Variants in ATM observed in about 807,000 individuals in gnomAD.
The protein encoded by ATM is ATM serine/threonine kinase.
ATM carries 308 observed loss-of-function variants against 387.0 expected under a neutral mutation model. The observed-to-expected ratio is 0.80, with a 90% confidence interval of 0.73 to 0.87. The LOEUF (loss-of-function observed/expected upper bound fraction) is 0.87. Ranked by LOEUF, ATM falls within the 40% of genes least tolerant of loss-of-function variation. The pLI, the probability that ATM is intolerant of heterozygous loss-of-function variation, is 0.00. For missense variants in ATM, 3,312 were observed against 3,560.9 expected (o/e 0.93, Z 1.78); for synonymous variants, 1,156 against 1,187.3 (o/e 0.97, Z 0.54).
At chr11:108,310,010 G>A in intron 38 of ATM, 150 bp from the exon 39 acceptor site, 1 of 742,296 alleles carries the variant, frequency 1.3e-6, no homozygotes, top group East Asian at 2.8e-5. Context: ...ATCTTATAAT[G>A]TTTATAGGTA....
intron 5 of ATM, among the ~76,000 whole-genome samples, chr11:108,237,698 G>A (rs1383435908): frequency 6.6e-6 from 1 of 152,106 alleles, no homozygotes; most frequent in Non-Finnish European, 1.5e-5. Context: ...AGAGTTTAGT[G>A]TGAGATGAGA....
At chr11:108,313,443 G>C (rs556662841) in intron 40 of ATM, among the ~76,000 whole-genome samples, 224 of 152,138 alleles carry the variant, frequency 1.5e-3, no homozygotes, top group Non-Finnish European at 2.5e-3. Flanking sequence ...CAGTAAAATA[G>C]CACTTGCTAA....
chr11:108,251,768 G>A lies in ATM; in HGVS notation c.1608-69G>A. On this transcript the variant is annotated intron_variant, in intron 10 of 62. Coordinates refer to ENST00000675843, the MANE Select transcript of ATM (RefSeq NM_000051.4). ...TAACTAAATGTATGTGCCAGGCACTGTCCTGATAGATAAAGTCTTTGCCCC... is the reference window on the plus strand; with the variant it reads ...TAACTAAATGTATGTGCCAGGCACTATCCTGATAGATAAAGTCTTTGCCCC... 6 of 1,472,030 alleles carry A rather than the reference G, an allele frequency of 4.1e-6. No homozygotes were observed. In the South Asian group the frequency reaches 5.7e-5, roughly 14 times the overall value. 91.2% of individuals were successfully genotyped at this position (1,472,030 alleles called of 1,614,324 possible).
intron 56 of ATM, among the ~76,000 whole-genome samples, chr11:108,342,629 G>A (rs1231586250): frequency 6.6e-6 from 1 of 152,100 alleles, no homozygotes; most frequent in Non-Finnish European, 1.5e-5. Flanking sequence ...TGATAAAGCT[G>A]TTTAATGGAT....
rs1170853651 is a variant in ATM at position 108,289,563 on chromosome 11, T to TA, written c.4237-37dup. On this transcript the variant is annotated intron_variant, in intron 28 of 62. Transcript: ENST00000675843. Reference sequence around the variant, plus strand: ...AGTGTATTTATTGTAGCCGAGTATCTAATTAAACAAGTTTTTACTAAATCT... The same window carrying TA: ...AGTGTATTTATTGTAGCCGAGTATCTAAATTAAACAAGTTTTTACTAAATCT... 28 of 1,483,560 alleles carry TA rather than the reference T, an allele frequency of 1.9e-5. No individual in the cohort carries two copies. Among genetic ancestry groups the TA allele is most frequent in the Non-Finnish European group, 2.4e-5 (26 of 1,079,608 alleles). The allele number at this position is 1,483,560 out of a possible 1,614,324, so 91.9% of individuals were successfully genotyped here.
chr11:108,282,732 CTT>C lies in ATM; in HGVS notation c.3602_3603del (p.Phe1201TrpfsTer3), dbSNP rs1057517129. 1 of 1,613,200 alleles carries C rather than the reference CTT, an allele frequency of 6.2e-7. No individual in the cohort carries two copies. Among genetic ancestry groups the C allele is most frequent in the Non-Finnish European group, 8.5e-7 (1 of 1,179,698 alleles). On this transcript the variant is annotated frameshift_variant, in exon 25 of 63. Transcript: ENST00000675843. LOFTEE classifies it high-confidence loss of function. Reference sequence around the variant, plus strand: ...CAGGTTTTAGAGAAAGTTTCTGAAACTTTTGGATATAGACGTTTAGAAGACTT... The same window carrying C: ...CAGGTTTTAGAGAAAGTTTCTGAAACTTGGATATAGACGTTTAGAAGACTT...
chr11:108,342,298 G>A (rs2087681112), intron 56 of ATM, among the ~76,000 whole-genome samples: 1 of 152,188 alleles, frequency 6.6e-6, no homozygotes, highest in African/African-American at 2.4e-5. Context: ...TTAATATGCA[G>A]ATTGGATAAC....
Position 108,251,212 on chromosome 11 carries a change from G to A in ATM, c.1607+140G>A. The A allele has an allele frequency of 3.1e-6, 4 of 1,307,428 alleles. No homozygotes were observed. In the South Asian group the frequency reaches 5.3e-5, roughly 17 times the overall value. The allele number at this position is 1,307,428 out of a possible 1,614,324, so 81.0% of individuals were successfully genotyped here. A position where few individuals can be genotyped will look rare whatever the true frequency, so the allele number is the denominator to read the frequency against. On this transcript the variant is annotated intron_variant, in intron 10 of 62. Transcript: ENST00000675843. ...CTATTTCAGATGCTTTTCTTGTTTG[G>A]CCGAGAAGACTTAATAAATGCATAA... is the stretch of plus-strand genomic sequence containing the variant.
intron 60 of ATM, among the ~76,000 whole-genome samples, chr11:108,354,209 C>G (rs1449470655): frequency 6.6e-6 from 1 of 152,042 alleles, no homozygotes; most frequent in Non-Finnish European, 1.5e-5. Flanking sequence ...ATAATAGTTC[C>G]TCTTCCTTCC....
intron 22 of ATM, among the ~76,000 whole-genome samples, chr11:108,277,840 C>G (rs1389387089): frequency 6.6e-6 from 1 of 152,134 alleles, no homozygotes; most frequent in African/African-American, 2.4e-5. Flanking sequence ...TCTTGCTGTT[C>G]CCTTGTTTTA....
chr11:108,324,912 C>T (rs1202216237), intron 45 of ATM, among the ~76,000 whole-genome samples: 3 of 152,170 alleles, frequency 2.0e-5, no homozygotes, highest in African/African-American at 7.2e-5. Context: ...GGGGGTCCCT[C>T]ATTTCCTTGC....
At chr11:108,282,595 C>A (rs2082287806) in intron 24 of ATM, 115 bp from the exon 25 acceptor site, 1 of 996,538 alleles carries the variant, frequency 1.0e-6, no homozygotes, top group Non-Finnish European at 1.5e-6. Flanking sequence ...ATGAGGAAAT[C>A]AAGAAAAGTT....
rs2136453829 is a variant in ATM at position 108,330,247 on chromosome 11, G to C, written c.7341G>C (p.Leu2447Phe). The C allele has an allele frequency of 1.9e-6, 3 of 1,614,194 alleles. No homozygotes were observed. Among genetic ancestry groups the C allele is most frequent in the Non-Finnish European group, 1.7e-6 (2 of 1,180,016 alleles). ...TAAAGGTTCAGCGAGAGCTGGAGTT[G>C]GATGAATTAGCCCTGCGTGCACTGA... ...YTVKVQRELE[L>F]DELALRALKE... Residue 2447 changes from leucine to phenylalanine, a missense_variant, in exon 50 of 63, where the codon TTG becomes TTC. This residue lies in a region of ATM where 1,405 missense variants were observed against 1,604.4 expected (regional missense o/e 0.88). Coordinates refer to ENST00000675843, the MANE Select transcript of ATM (RefSeq NM_000051.4).
chr11:108,302,865 C>T lies in ATM; in HGVS notation c.5332C>T (p.Pro1778Ser), dbSNP rs1279041730. 1.9e-6 allele frequency: 3 copies of T among 1,612,294 alleles called. No homozygotes were observed. Among genetic ancestry groups the T allele is most frequent in the South Asian group, 2.2e-5 (2 of 90,996 alleles). The change falls in exon 36 of 63, where the codon CCC (proline) becomes TCC (serine). Residue 1778 changes from proline (P) to serine (S), a missense_variant. By Grantham distance (74) the Pro-to-Ser change is moderately conservative (BLOSUM62 -1). Coordinates refer to ENST00000675843, the MANE Select transcript of ATM (RefSeq NM_000051.4). ...RTSRKKFLEV[P>S]RFDKENPFEG... ...CCTTTCTTTCTAGTTTTTAGAAGTA[C>T]CCAGATTTGACAAAGAAAACCCTTT...
rs762913965 is a variant in ATM at position 108,267,375 on chromosome 11, T to A, written c.2638+33T>A. 8 of 1,601,108 alleles carry A rather than the reference T, an allele frequency of 5.0e-6. No homozygotes were observed. The South Asian group carries it at 6.6e-5, about 13-fold the overall frequency. On this transcript the variant is annotated intron_variant, in intron 17 of 62. Coordinates refer to ENST00000675843, the MANE Select transcript of ATM (RefSeq NM_000051.4). ...CATATTTACTACTTGGGATTTCTTT[T>A]ACTTCTTTATATTGATTTGGCAGTA...
At chr11:108,356,241 G>GT (rs1209139077) in intron 61 of ATM, 1 of 152,054 alleles carries the variant, frequency 6.6e-6, no homozygotes, top group Non-Finnish European at 1.5e-5. Context: ...ACTTTTTCAT[G>GT]TAAGAAAAAG....
In ATM at chr11:108,270,788, C is replaced by T. The variant is rs2301193; in HGVS notation, c.2839-276C>T. On this transcript the variant is annotated intron_variant, in intron 18 of 62. Coordinates refer to ENST00000675843, the MANE Select transcript of ATM (RefSeq NM_000051.4). ...TCGGCTCACTGCAACCTTCGCCTCC[C>T]AGGTTCAAGCGATTCTCCTGCCTCA... 9.9e-5 allele frequency among the ~76,000 whole-genome samples: 15 copies of T among 152,134 alleles called. No individual in the cohort carries two copies. The East Asian group carries it at 2.5e-3, about 26-fold the overall frequency.
rs1555082164 is a variant in ATM at position 108,267,229 on chromosome 11, C to A, written c.2525C>A (p.Thr842Asn). ...RGEVESMEDD[T>N]NGNLMEVEDQ... ...GAAGTAGAATCAATGGAAGATGATA[C>A]TAATGGAAATCTAATGGAGGTGGAG... Residue 842 changes from threonine to asparagine, a missense_variant, in exon 17 of 63, where the codon ACT becomes AAT. By Grantham distance (65) the Thr-to-Asn change is moderately conservative. This residue lies in a region of ATM where 1,791 missense variants were observed against 1,804.5 expected (regional missense o/e 0.99). Transcript: ENST00000675843. 6.2e-7 allele frequency: 1 copy of A among 1,614,062 alleles called. No homozygotes were observed. The highest frequency in any genetic ancestry group is 8.5e-7 in the Non-Finnish European group (1 of 1,179,950).
Position 108,297,352 on chromosome 11 carries a change from A to G in ATM, c.4975A>G (p.Ile1659Val), listed in dbSNP as rs778632065. The change falls in exon 33 of 63, where the codon ATA becomes GTA. Residue 1659 changes from isoleucine to valine, a missense_variant. Transcript: ENST00000675843. ...TTTGTTGCAGTTATCCAAGATGGCA[A>G]TAAACCACACTGGTGAAAAAGAAGT... ...VNLLQLSKMA[I>V]NHTGEKEVLE... 2.5e-6 allele frequency: 4 copies of G among 1,613,972 alleles called. No homozygotes were observed. Among genetic ancestry groups the G allele is most frequent in the African/African-American group, 2.7e-5 (2 of 74,930 alleles).
Sources: gnomAD v4.1 joint callset for allele counts (sites outside exome capture counted in the v4.1 genomes callset) on GRCh38, gnomAD v4.1.1 for gene constraint, gnomAD v4.1.1 regional missense constraint, MANE v1.5 for transcripts, NCBI Gene and HGNC (gene_info 2026-07-23, HGNC 2026-07-21) for gene names.